Variants in NKAIN3 observed in about 807,000 individuals in gnomAD.
NKAIN3 encodes the protein sodium/potassium-transporting ATPase subunit beta-1-interacting protein 3.
Under a neutral mutation model 30.2 loss-of-function variants are expected in NKAIN3, and 25 were observed. That is an observed-to-expected ratio of 0.83 (90% confidence interval 0.60 to 1.16). The LOEUF (loss-of-function observed/expected upper bound fraction) is 1.16. NKAIN3 is among the 50% of genes most tolerant of loss of function. The pLI is 0.00. For missense variants in NKAIN3, 225 were observed against 254.1 expected (o/e 0.89, Z 0.78); for synonymous variants, 91 against 89.6 (o/e 1.02, Z -0.09).
At chr8:62,943,032 G>T (rs891300455) in intron 5 of NKAIN3, among the ~76,000 whole-genome samples, 1 of 152,048 alleles carries the variant, frequency 6.6e-6, no homozygotes, top group African/African-American at 2.4e-5. Flanking sequence ...ATGATAAATA[G>T]ATAGGACTTA....
intron 1 of NKAIN3, among the ~76,000 whole-genome samples, chr8:62,395,314 G>A (rs547908952): frequency 4.0e-5 from 6 of 151,694 alleles, no homozygotes; most frequent in Non-Finnish European, 7.4e-5. Context: ...CTTCCCAGAC[G>A]GTGGGGCGGC....
chr8:62,416,883 T>C (rs1045970553), intron 1 of NKAIN3, among the ~76,000 whole-genome samples: 14 of 151,668 alleles, frequency 9.2e-5, no homozygotes, highest in Non-Finnish European at 1.5e-4. Flanking sequence ...TCCCAGCTAC[T>C]TGGGAGGCCG....
intron 4 of NKAIN3, among the ~76,000 whole-genome samples, chr8:62,806,959 G>C (rs551238974): frequency 6.6e-6 from 1 of 152,016 alleles, no homozygotes; most frequent in Admixed American, 6.6e-5. Flanking sequence ...GTGATGAAAC[G>C]TAGTGATGAA....
chr8:62,667,317 A>ATATATATATATTCTT (rs1194235099), intron 3 of NKAIN3, among the ~76,000 whole-genome samples: 2 of 127,822 alleles, frequency 1.6e-5, no homozygotes, highest in African/African-American at 3.7e-5. Flanking sequence ...ATATATATTT[A>ATATATATATATTCTT]TATATATATA....
At chr8:62,330,249 G>A (rs1417599568) in intron 1 of NKAIN3, among the ~76,000 whole-genome samples, 1 of 151,928 alleles carries the variant, frequency 6.6e-6, no homozygotes, top group African/African-American at 2.4e-5. Flanking sequence ...GGGAACAGAT[G>A]AGGAAGAAAA....
At chr8:62,509,224 A>C (rs1807740361) in intron 1 of NKAIN3, among the ~76,000 whole-genome samples, 1 of 152,124 alleles carries the variant, frequency 6.6e-6, no homozygotes, top group African/African-American at 2.4e-5. Flanking sequence ...AAGCATTGTC[A>C]GAAGCTGGGA....
intron 1 of NKAIN3, among the ~76,000 whole-genome samples, chr8:62,369,740 T>G (rs568842530): frequency 6.6e-6 from 1 of 151,972 alleles, no homozygotes; most frequent in Non-Finnish European, 1.5e-5. Flanking sequence ...GGGGGATTAT[T>G]TGAACTCCCC....
chr8:62,724,369 T>C (rs1274551866), intron 3 of NKAIN3, among the ~76,000 whole-genome samples: 3 of 152,080 alleles, frequency 2.0e-5, no homozygotes, highest in African/African-American at 7.2e-5. Context: ...CAACCATTTA[T>C]CTTTGCTTTG....
chr8:62,681,598 G>A (rs559681376), intron 3 of NKAIN3, among the ~76,000 whole-genome samples: 8 of 152,266 alleles, frequency 5.3e-5, no homozygotes, highest in Non-Finnish European at 8.8e-5. Context: ...GTTGAAGGCA[G>A]GGGAGATGGA....
chr8:62,763,019 G>A (rs563465547), intron 4 of NKAIN3, among the ~76,000 whole-genome samples: 4 of 151,580 alleles, frequency 2.6e-5, no homozygotes, highest in Admixed American at 6.6e-5. Context: ...TCAGGAGATC[G>A]AGGCCATCCT....
chr8:62,590,858 A>G (rs1381099556), intron 3 of NKAIN3, among the ~76,000 whole-genome samples: 1 of 151,890 alleles, frequency 6.6e-6, no homozygotes, highest in African/African-American at 2.4e-5. Flanking sequence ...CCATTTGCTC[A>G]CATTGGCAAC....
rs571917089 is a variant in NKAIN3 at position 62,258,780 on chromosome 8, A to T, written c.54+9653A>T. Among the ~76,000 whole-genome samples the T allele has an allele frequency of 5.9e-5, 9 of 152,352 alleles. No individual in the cohort carries two copies. The South Asian group carries it at 1.9e-3, about 32-fold the overall frequency. On this transcript the variant is annotated intron_variant, in intron 1 of 6. Coordinates refer to ENST00000623646, the MANE Select transcript of NKAIN3 (RefSeq NM_001304533.3). ...ATTGGGATGCTTTGGGAAAAAGATGACTGACAAGATGTTACTGAGCTAGAG... is the reference window on the plus strand; with the variant it reads ...ATTGGGATGCTTTGGGAAAAAGATGTCTGACAAGATGTTACTGAGCTAGAG...
Position 62,536,890 on chromosome 8 carries a change from G to A in NKAIN3, c.55-42649G>A, listed in dbSNP as rs569472745. On this transcript the variant is annotated intron_variant, in intron 1 of 6. Transcript: ENST00000623646. ...GCAATCTACGAGGCCCTCATGGGGA[G>A]AGAATAATGATCTGTGGACTTGGCT... Among the ~76,000 whole-genome samples, 59 of 152,218 alleles carry A rather than the reference G, an allele frequency of 3.9e-4. No homozygotes were observed. In the South Asian group the frequency reaches 0.011, roughly 27 times the overall value.
intron 3 of NKAIN3, among the ~76,000 whole-genome samples, chr8:62,651,116 GA>G (rs934163893): frequency 1.5e-3 from 210 of 141,758 alleles, no homozygotes; most frequent in African/African-American, 2.0e-3. Flanking sequence ...GTACCTAAAA[GA>G]AAAAAAAAAA....
intron 1 of NKAIN3, among the ~76,000 whole-genome samples, chr8:62,294,793 C>T (rs1484188997): frequency 1.2e-4 from 18 of 152,178 alleles, no homozygotes; most frequent in Admixed American, 1.2e-3. Context: ...TATTCTCCCA[C>T]CTCAGCCTCC....
intron 1 of NKAIN3, among the ~76,000 whole-genome samples, chr8:62,529,882 A>T (rs1483532263): frequency 6.6e-6 from 1 of 152,124 alleles, no homozygotes; most frequent in Admixed American, 6.5e-5. Flanking sequence ...ATCTTTGTAT[A>T]AAAAGGAAAA....
intron 1 of NKAIN3, among the ~76,000 whole-genome samples, chr8:62,354,137 C>A (rs1816271402): frequency 6.6e-6 from 1 of 152,166 alleles, no homozygotes; most frequent in Admixed American, 6.5e-5. Context: ...AAGTGAAATT[C>A]TTTTAGAAAA....
intron 5 of NKAIN3, among the ~76,000 whole-genome samples, chr8:62,937,296 C>G (rs1461845472): frequency 1.3e-5 from 2 of 152,072 alleles, no homozygotes; most frequent in African/African-American, 2.4e-5. Flanking sequence ...ATTCGTAGAG[C>G]CTTTGAAAGA....
intron 4 of NKAIN3, among the ~76,000 whole-genome samples, chr8:62,826,236 AC>A (rs1391533092): frequency 6.6e-6 from 1 of 152,134 alleles, no homozygotes; most frequent in Admixed American, 6.6e-5. Context: ...AAAGGCATAA[AC>A]AAAAATAGGT....
Sources: allele counts gnomAD v4.1 joint callset (sites outside exome capture counted in the v4.1 genomes callset), GRCh38; gene constraint gnomAD v4.1.1; transcripts MANE v1.5; gene names NCBI Gene and HGNC (gene_info 2026-07-23, HGNC 2026-07-21).